APBB2: variants seen among roughly 807,000 people sequenced by gnomAD.
APBB2 encodes Fe65-like 1.
In APBB2, 38 loss-of-function variants were observed where a neutral mutation model predicts 82.5. The ratio of observed to expected loss-of-function variants is 0.46; its 90% CI spans 0.36 to 0.60. The LOEUF (loss-of-function observed/expected upper bound fraction) is 0.60, where lower values mean the gene tolerates loss of function less well. Ranked by LOEUF, APBB2 falls within the 20% of genes least tolerant of loss-of-function variation. The pLI is 0.00. For synonymous variants in APBB2, 341 were observed against 368.2 expected (o/e 0.93, Z 0.85); for missense variants, 772 against 972.3 (o/e 0.79, Z 2.74).
chr4:41,186,063 T>C (rs1772807336), intron 1 of APBB2, among the ~76,000 whole-genome samples: 2 of 152,224 alleles, frequency 1.3e-5, no homozygotes. Context: ...AAGAATGTCT[T>C]ACACAGATGT....
chr4:40,972,242 C>A (rs552368694), intron 6 of APBB2, among the ~76,000 whole-genome samples: 1 of 151,926 alleles, frequency 6.6e-6, no homozygotes, highest in African/African-American at 2.4e-5. Flanking sequence ...TCCTGGCTAA[C>A]AAGGTGAAAC....
intron 6 of APBB2, among the ~76,000 whole-genome samples, chr4:40,952,167 C>T (rs1015232533): frequency 3.1e-5 from 4 of 130,948 alleles, no homozygotes; most frequent in Admixed American, 8.8e-5. Context: ...GCCTGGGTGA[C>T]AGAGCGAGAC....
chr4:40,989,303 C>G (rs1801352290), intron 6 of APBB2, among the ~76,000 whole-genome samples: 1 of 152,136 alleles, frequency 6.6e-6, no homozygotes. Flanking sequence ...ACTGATCACA[C>G]TAGATTGAAC....
intron 1 of APBB2, among the ~76,000 whole-genome samples, chr4:41,173,451 G>A (rs1252937252): frequency 6.6e-6 from 1 of 152,126 alleles, no homozygotes; most frequent in Non-Finnish European, 1.5e-5. Flanking sequence ...GGAGAAACTG[G>A]AGAATTCAAG....
intron 5 of APBB2, among the ~76,000 whole-genome samples, chr4:41,030,278 T>C (rs929470592): frequency 6.6e-6 from 1 of 152,108 alleles, no homozygotes; most frequent in Non-Finnish European, 1.5e-5. Context: ...ACCTGGCAGA[T>C]GTGATGGTCA....
intron 2 of APBB2, among the ~76,000 whole-genome samples, chr4:41,103,567 T>C (rs1327349665): frequency 1.3e-5 from 2 of 152,130 alleles, no homozygotes; most frequent in East Asian, 1.9e-4. Context: ...TTAAGCAGTA[T>C]TGAGAAAGTA....
At chr4:40,862,537 C>T (rs1229746595) in intron 12 of APBB2, among the ~76,000 whole-genome samples, 3 of 152,190 alleles carry the variant, frequency 2.0e-5, no homozygotes, top group Non-Finnish European at 2.9e-5. Flanking sequence ...CAAACTATAA[C>T]GTGCATCATA....
chr4:41,044,212 G>T (rs1456499095), intron 4 of APBB2, among the ~76,000 whole-genome samples: 1 of 152,158 alleles, frequency 6.6e-6, no homozygotes, highest in Non-Finnish European at 1.5e-5. Context: ...TACAGTTCAT[G>T]TAAGAAAGAA....
intron 4 of APBB2, among the ~76,000 whole-genome samples, chr4:41,037,343 C>T (rs963557423): frequency 1.9e-4 from 29 of 151,894 alleles, no homozygotes; most frequent in African/African-American, 5.8e-4. Context: ...CATGTTGAAA[C>T]GATAATATTT....
At chr4:40,839,513 A>G (rs552079610) in intron 12 of APBB2, among the ~76,000 whole-genome samples, 66 of 152,264 alleles carry the variant, frequency 4.3e-4, no homozygotes, top group African/African-American at 1.5e-3. Context: ...CTCAGGTCAA[A>G]TACATGGCAT....
chr4:41,184,989 G>A (rs1406820884), intron 1 of APBB2, among the ~76,000 whole-genome samples: 1 of 152,212 alleles, frequency 6.6e-6, no homozygotes, highest in Non-Finnish European at 1.5e-5. Context: ...GTCCGCCTGT[G>A]GAGAATCCAA....
At chr4:41,001,834 C>T (rs1419162386) in intron 6 of APBB2, among the ~76,000 whole-genome samples, 4 of 151,154 alleles carry the variant, frequency 2.6e-5, no homozygotes, top group South Asian at 4.2e-4. Flanking sequence ...GCCGAAATCG[C>T]GCCACTGCAC....
chr4:41,104,341 A>G (rs946736007), intron 2 of APBB2, among the ~76,000 whole-genome samples: 1 of 152,202 alleles, frequency 6.6e-6, no homozygotes. Context: ...CCACACACTG[A>G]TATCACATTA....
chr4:41,095,490 C>T (rs886356034), intron 3 of APBB2, among the ~76,000 whole-genome samples: 1 of 152,210 alleles, frequency 6.6e-6, no homozygotes, highest in Non-Finnish European at 1.5e-5. Flanking sequence ...GACATACAGC[C>T]AATAGCTTAG....
chr4:40,902,478 C>T lies in APBB2; in HGVS notation c.1255-9067G>A, dbSNP rs1396907272. Among the ~76,000 whole-genome samples, 3 of 152,180 alleles carry T rather than the reference C, an allele frequency of 2.0e-5. No homozygotes were observed. In the East Asian group the frequency reaches 5.8e-4, roughly 29 times the overall value. On this transcript the variant is annotated intron_variant, in intron 10 of 17. Transcript: ENST00000508593. The stretch of plus-strand genomic sequence containing the variant: ...ACAACTTCAGGGTGGCTGGAGCTGA[C>T]AGGCAGGACTGAATGACTTGTGAAA...
chr4:41,195,165 C>T, intron 1 of APBB2, among the ~76,000 whole-genome samples: 4 of 152,172 alleles, frequency 2.6e-5, no homozygotes, highest in Non-Finnish European at 5.9e-5. Flanking sequence ...AGGCCCCTCT[C>T]AGACCTCTGC....
chr4:41,098,191 A>T (rs1560745236), intron 3 of APBB2, among the ~76,000 whole-genome samples: 1 of 146,910 alleles, frequency 6.8e-6, no homozygotes, highest in Non-Finnish European at 1.5e-5. Context: ...ATTTTTACTA[A>T]TTTTTTTTTT....
At chr4:41,145,925 CAT>C (rs1004243775) in intron 1 of APBB2, among the ~76,000 whole-genome samples, 4 of 152,212 alleles carry the variant, frequency 2.6e-5, no homozygotes, top group Non-Finnish European at 5.9e-5. Flanking sequence ...CACGGTGACT[CAT>C]ACTTGTAATC....
At chr4:40,939,201 G>GA (rs1786191431) in intron 7 of APBB2, among the ~76,000 whole-genome samples, 1 of 152,182 alleles carries the variant, frequency 6.6e-6, no homozygotes, top group African/African-American at 2.4e-5. Flanking sequence ...ATAAGCATCA[G>GA]AAAATGAATA....
Sources: gnomAD v4.1 joint callset for allele counts (sites outside exome capture counted in the v4.1 genomes callset) on GRCh38, gnomAD v4.1.1 for gene constraint, MANE v1.5 for transcripts, NCBI Gene and HGNC (gene_info 2026-07-23, HGNC 2026-07-21) for gene names.